Variants in IDNK observed in about 807,000 individuals in gnomAD.
The protein encoded by IDNK is IDNK gluconokinase.
A neutral mutation model predicts 13.0 loss-of-function variants in IDNK; 9 were observed. The observed-to-expected ratio is 0.69, with a 90% CI of 0.42 to 1.21. The LOEUF is 1.21. Ranked by LOEUF, IDNK falls within the 50% of genes most tolerant of loss-of-function variation. The probability of loss-of-function intolerance (pLI) is 0.00; values close to 1 mark genes in which losing one functional copy is unlikely to be tolerated. For missense variants in IDNK, 210 were observed against 237.8 expected (o/e 0.88, Z 0.77); for synonymous variants, 92 against 94.9 (o/e 0.97, Z 0.18).
intron 3 of IDNK, among the ~76,000 whole-genome samples, chr9:83,631,745 C>T (rs1831022266): frequency 6.6e-6 from 1 of 152,148 alleles, no homozygotes; most frequent in Non-Finnish European, 1.5e-5. Context: ...AGCTATAGAA[C>T]ATCATTGCAG....
intron 3 of IDNK, among the ~76,000 whole-genome samples, chr9:83,632,186 C>T (rs1029841646): frequency 2.1e-5 from 3 of 145,786 alleles, no homozygotes; most frequent in African/African-American, 7.3e-5. Flanking sequence ...AGGTAAAACA[C>T]ACCCATCTCC....
chr9:83,623,132 C>T (rs116949863), upstream of IDNK: 7,557 of 1,398,544 alleles, frequency 5.4e-3, 206 homozygotes, highest in East Asian at 0.055. Context: ...CCGGGGCCGG[C>T]GGGGCCCGGA....
In IDNK at chr9:83,643,709, A is replaced by T; in HGVS notation, c.493A>T (p.Ile165Phe). 1 of 1,614,008 alleles carries T rather than the reference A, an allele frequency of 6.2e-7. No individual in the cohort carries two copies. Among genetic ancestry groups the T allele is most frequent in the Non-Finnish European group, 8.5e-7 (1 of 1,180,012 alleles). ...GCCCCCAGCAGCTCCAGAAAACTTTATCCAAATAAGTGTGGACAAAAATGT... is the reference window on the plus strand; with the variant it reads ...GCCCCCAGCAGCTCCAGAAAACTTTTTCCAAATAAGTGTGGACAAAAATGT... Reference protein sequence around the residue: ...LEPPAAPENFIQISVDKNVSE... With the variant: ...LEPPAAPENFFQISVDKNVSE... The change falls in exon 5 of 5, where the codon ATC (isoleucine) becomes TTC (phenylalanine). Residue 165 changes from isoleucine to phenylalanine, a missense_variant. Physicochemically the swap from Ile to Phe is conservative, Grantham distance 21. Transcript: ENST00000376419.
intron 3 of IDNK, among the ~76,000 whole-genome samples, chr9:83,632,367 G>A (rs564880530): frequency 2.0e-5 from 3 of 151,986 alleles, no homozygotes; most frequent in South Asian, 4.2e-4. Context: ...TTCACTCTTC[G>A]TAGAGCATTC....
At chr9:83,626,478 G>A (rs1394568660) in intron 1 of IDNK, 28 of 363,618 alleles carry the variant, frequency 7.7e-5, no homozygotes, top group African/African-American at 3.4e-4. Flanking sequence ...GTACAGTGGC[G>A]TGATCTCGGC....
In IDNK at chr9:83,629,239, A is replaced by G. The variant is rs1830946385; in HGVS notation, c.168+280A>G. 2.0e-5 allele frequency among the ~76,000 whole-genome samples: 3 copies of G among 152,280 alleles called. No homozygotes were observed. The South Asian group carries it at 6.2e-4, about 32-fold the overall frequency. ...TAACCTGAAGAATGTAATTCCTGAGAGGTCAGAGGCTCCCTGTGCCTCATA... is the reference window on the plus strand; with the variant it reads ...TAACCTGAAGAATGTAATTCCTGAGGGGTCAGAGGCTCCCTGTGCCTCATA... On this transcript the variant is annotated intron_variant, in intron 3 of 4. Coordinates refer to ENST00000376419, the MANE Select transcript of IDNK (RefSeq NM_001001551.4).
intron 3 of IDNK, among the ~76,000 whole-genome samples, chr9:83,630,633 A>T (rs1830984248): frequency 6.6e-6 from 1 of 152,262 alleles, no homozygotes; most frequent in South Asian, 2.1e-4. Flanking sequence ...TAAATCATAT[A>T]TACATGCCAA....
chr9:83,626,829 C>T (rs1344243761), intron 1 of IDNK: 2 of 1,112,840 alleles, frequency 1.8e-6, no homozygotes, highest in African/African-American at 3.4e-5. Context: ...GCGCAGCCTT[C>T]AATAGAATGA....
chr9:83,624,700 T>G (rs1164252730), intron 1 of IDNK, among the ~76,000 whole-genome samples: 1 of 115,886 alleles, frequency 8.6e-6, no homozygotes, highest in Non-Finnish European at 1.7e-5. Flanking sequence ...AGGCTTAGCT[T>G]CTTTTGTTTT....
Sources: gnomAD v4.1 joint callset for allele counts (sites outside exome capture counted in the v4.1 genomes callset) on GRCh38, gnomAD v4.1.1 for gene constraint, MANE v1.5 for transcripts, NCBI Gene and HGNC (gene_info 2026-07-23, HGNC 2026-07-21) for gene names.